The following FUT8 variants were observed in gnomAD, a reference collection of about 807,000 sequenced individuals.
FUT8 encodes fucosyltransferase 8, also known as alpha-(1,6)-fucosyltransferase.
Under a neutral mutation model 71.3 loss-of-function variants are expected in FUT8, and 29 were observed. The observed-to-expected ratio is 0.41, with a 90% CI of 0.30 to 0.55. The LOEUF (loss-of-function observed/expected upper bound fraction) is 0.55. Ranked by LOEUF, FUT8 falls within the 20% of genes least tolerant of loss-of-function variation. The probability of loss-of-function intolerance (pLI) is 0.34; values close to 1 mark genes in which losing one functional copy is unlikely to be tolerated. For synonymous variants in FUT8, 254 were observed against 239.3 expected, an observed-to-expected ratio of 1.06 and a Z score of -0.57; for missense variants, 544 against 702.1, an observed-to-expected ratio of 0.77 and a Z score of 2.55.
At chr14:65,560,652 G>A (rs1033078077) in intron 2 of FUT8, among the ~76,000 whole-genome samples, 3 of 152,180 alleles carry the variant, frequency 2.0e-5, no homozygotes, top group African/African-American at 7.2e-5. Flanking sequence ...TAACTAAGAT[G>A]TAACTGGTGC....
At chr14:65,620,514 A>G (rs570211502) in intron 5 of FUT8, among the ~76,000 whole-genome samples, 1 of 152,360 alleles carries the variant, frequency 6.6e-6, no homozygotes, top group South Asian at 2.1e-4. Flanking sequence ...AATAGCTTAC[A>G]GATTTTTTTT....
chr14:65,481,830 CTTA>C (rs1021232713), intron 2 of FUT8, among the ~76,000 whole-genome samples: 19 of 151,992 alleles, frequency 1.3e-4, no homozygotes, highest in Admixed American at 5.2e-4. Flanking sequence ...TGTTTGTTTT[CTTA>C]TTATTGAGTT....
At chr14:65,691,694 A>G (rs1231794985) in intron 7 of FUT8, among the ~76,000 whole-genome samples, 2 of 151,936 alleles carry the variant, frequency 1.3e-5, no homozygotes, top group South Asian at 4.2e-4. Flanking sequence ...GGGAAGGTCA[A>G]CAGATAAACA....
intron 6 of FUT8, among the ~76,000 whole-genome samples, chr14:65,650,172 G>A (rs1332976123): frequency 4.6e-5 from 7 of 151,768 alleles, no homozygotes; most frequent in Non-Finnish European, 7.4e-5. Flanking sequence ...GGTGGCACGC[G>A]CCTGTAATCC....
At chr14:65,531,701 A>G (rs1295140441) in intron 2 of FUT8, among the ~76,000 whole-genome samples, 1 of 152,130 alleles carries the variant, frequency 6.6e-6, no homozygotes. Flanking sequence ...TTTGACATAC[A>G]GATTATTTCA....
intron 6 of FUT8, among the ~76,000 whole-genome samples, chr14:65,647,198 C>T (rs991583147): frequency 1.3e-5 from 2 of 152,114 alleles, no homozygotes; most frequent in African/African-American, 4.8e-5. Context: ...ATAAAATACC[C>T]AGATCACTCA....
chr14:65,626,328 A>G (rs1455096162), intron 5 of FUT8, among the ~76,000 whole-genome samples: 2 of 152,158 alleles, frequency 1.3e-5, no homozygotes, highest in Non-Finnish European at 2.9e-5. Flanking sequence ...TGTCAAAATA[A>G]TTTTCCTAGG....
At position 65,468,389 on chromosome 14, in the gene FUT8, A is replaced by ATTT. The variant is rs139616800; in HGVS notation, c.-228+12688_-228+12690dup. On this transcript the variant is annotated intron_variant, in intron 2 of 10. Transcript: ENST00000673929. Reference sequence around the variant, plus strand: ...ATGGTGGTTCCGGCCGAAAGGTTGGATTTTTTTTTTTTTTTTTTTAACACT... The same window carrying ATTT: ...ATGGTGGTTCCGGCCGAAAGGTTGGATTTTTTTTTTTTTTTTTTTTTTAACACT... 4.9e-3 allele frequency: 1,532 copies of ATTT among 314,452 alleles called. 32 individuals are homozygous for ATTT. The East Asian group carries it at 0.056, about 11-fold the overall frequency. The allele number at this position is 314,452 out of a possible 1,614,324, so 19.5% of individuals were successfully genotyped here. A position where few individuals can be genotyped will look rare whatever the true frequency, so the allele number is the denominator to read the frequency against.
intron 3 of FUT8, among the ~76,000 whole-genome samples, chr14:65,562,349 G>A (rs1388887000): frequency 6.6e-6 from 1 of 152,004 alleles, no homozygotes; most frequent in East Asian, 1.9e-4. Context: ...AGTCTAACTA[G>A]AACTTATTAA....
intron 2 of FUT8, among the ~76,000 whole-genome samples, chr14:65,528,570 T>A (rs1883691561): frequency 1.3e-5 from 2 of 152,178 alleles, no homozygotes. Flanking sequence ...ATCCACTGTC[T>A]GACAATCCCC....
At chr14:65,408,507 T>C (rs2065095546), upstream of FUT8, among the ~76,000 whole-genome samples, 1 of 152,254 alleles carries the variant, frequency 6.6e-6, no homozygotes, top group South Asian at 2.1e-4. Flanking sequence ...ATTTATTGGC[T>C]AATTGAGTTG....
At chr14:65,601,191 T>A (rs1338570294) in intron 3 of FUT8, among the ~76,000 whole-genome samples, 1 of 152,194 alleles carries the variant, frequency 6.6e-6, no homozygotes, top group East Asian at 1.9e-4. Flanking sequence ...TTCACACTTT[T>A]GCACATTAGG....
intron 7 of FUT8, among the ~76,000 whole-genome samples, chr14:65,684,849 A>C (rs543727227): frequency 6.6e-6 from 1 of 152,336 alleles, no homozygotes; most frequent in East Asian, 1.9e-4. Flanking sequence ...TGAGTCAATT[A>C]AACCTCTTTT....
At chr14:65,390,908 A>G in the FUT8 span, among the ~76,000 whole-genome samples, 1 of 151,898 alleles carries the variant, frequency 6.6e-6, no homozygotes, top group East Asian at 1.9e-4. Context: ...TTGTATTTTT[A>G]GTAGAGACAG....
chr14:65,665,366 A>G (rs1374913957), intron 6 of FUT8, among the ~76,000 whole-genome samples: 2 of 152,204 alleles, frequency 1.3e-5, no homozygotes, highest in Admixed American at 6.6e-5. Flanking sequence ...TCATAAAGAT[A>G]TTGATGTATG....
At chr14:65,617,240 T>C in intron 5 of FUT8, 1 of 1,466,108 alleles carries the variant, frequency 6.8e-7, no homozygotes, top group South Asian at 1.5e-5. Context: ...TATAATGATT[T>C]TGAAAAATTG....
At chr14:65,675,382 T>C (rs1471831337) in intron 7 of FUT8, among the ~76,000 whole-genome samples, 1 of 152,230 alleles carries the variant, frequency 6.6e-6, no homozygotes, top group African/African-American at 2.4e-5. Context: ...ATTAATTTTA[T>C]TTACTGGTAG....
chr14:65,641,007 A>T (rs918379779), intron 6 of FUT8, among the ~76,000 whole-genome samples: 1 of 152,098 alleles, frequency 6.6e-6, no homozygotes, highest in African/African-American at 2.4e-5. Context: ...TTTCTTCTAC[A>T]GCCTTATTGA....
At chr14:65,692,338 G>A (rs1893667791) in intron 7 of FUT8, among the ~76,000 whole-genome samples, 1 of 150,186 alleles carries the variant, frequency 6.7e-6, no homozygotes, top group Admixed American at 6.6e-5. Context: ...CCCAGACGGG[G>A]CGGCTGGCCG....
Sources: allele counts gnomAD v4.1 joint callset (sites outside exome capture counted in the v4.1 genomes callset), GRCh38; gene constraint gnomAD v4.1.1; transcripts MANE v1.5; gene names NCBI Gene and HGNC (gene_info 2026-07-23, HGNC 2026-07-21).